The following RTL4 variants were observed in gnomAD, a reference collection of about 807,000 sequenced individuals.
RTL4 encodes the protein retrotransposon Gag like 4, also known as retrotransposon Gag-like protein 4.
In RTL4, 4 loss-of-function variants were observed where a neutral mutation model predicts 5.3. The ratio of observed to expected loss-of-function variants is 0.75; its 90% confidence interval spans 0.37 to 1.72. The LOEUF (loss-of-function observed/expected upper bound fraction) is 1.72, where lower values mean the gene tolerates loss of function less well. RTL4 is among the 40% of genes most tolerant of loss of function. The pLI is 0.04. For missense variants in RTL4, 260 were observed against 227.1 expected, an observed-to-expected ratio of 1.14 and a Z score of -0.93; for synonymous variants, 98 against 87.3, an observed-to-expected ratio of 1.12 and a Z score of -0.68.
chrX:112,410,060 T>TA, the RTL4 span, among the ~76,000 whole-genome samples: 2 of 111,182 alleles, frequency 1.8e-5, no homozygotes, highest in Admixed American at 9.5e-5. Context: ...AATAGAAATT[T>TA]AAAAAATCGG....
chrX:112,295,743 C>T, the RTL4 span, among the ~76,000 whole-genome samples: 2 of 112,512 alleles, frequency 1.8e-5, no homozygotes, highest in Admixed American at 1.9e-4. Flanking sequence ...CCATTCCTGC[C>T]TTCATCATCT....
At chrX:112,281,182 T>G in the RTL4 span, among the ~76,000 whole-genome samples, 10 of 112,167 alleles carry the variant, frequency 8.9e-5, no homozygotes, top group African/African-American at 3.2e-4. Flanking sequence ...CAACATTCTA[T>G]CTGTACTTTT....
chrX:112,150,349 G>C, the RTL4 span, among the ~76,000 whole-genome samples: 1 of 111,785 alleles, frequency 8.9e-6, no homozygotes, highest in Non-Finnish European at 1.9e-5. Context: ...ACACGGCAGA[G>C]ACCTAGGAAG....
the RTL4 span, among the ~76,000 whole-genome samples, chrX:112,132,451 A>C: frequency 1.5e-4 from 17 of 111,600 alleles, no homozygotes; most frequent in African/African-American, 5.5e-4. Flanking sequence ...AGCATGTCCT[A>C]ATTTTCTGGA....
the RTL4 span, among the ~76,000 whole-genome samples, chrX:112,313,759 A>G: frequency 9.1e-6 from 1 of 110,246 alleles, no homozygotes; most frequent in African/African-American, 3.3e-5. Flanking sequence ...TGCTCTGACA[A>G]GGACAGAGGA....
At chrX:112,455,571 C>T in exon 1 of RTL4, 2 of 1,211,887 alleles carry the variant, frequency 1.7e-6, no homozygotes, top group South Asian at 3.5e-5. Context: ...AGTTGTGCCT[C>T]TACTGCAGCC....
At chrX:112,246,694 C>T in the RTL4 span, among the ~76,000 whole-genome samples, 1 of 111,637 alleles carries the variant, frequency 9.0e-6, no homozygotes, top group South Asian at 3.8e-4. Context: ...CGATGCCCCA[C>T]CCTGCTTCAG....
chrX:112,235,754 C>T, the RTL4 span, among the ~76,000 whole-genome samples: 1 of 111,859 alleles, frequency 8.9e-6, no homozygotes, highest in South Asian at 3.7e-4. Context: ...AACAGACTGG[C>T]TTCATTGGTA....
At chrX:112,257,280 A>C in the RTL4 span, among the ~76,000 whole-genome samples, 2 of 111,438 alleles carry the variant, frequency 1.8e-5, no homozygotes, top group African/African-American at 6.5e-5. Flanking sequence ...TTTTTCTTGA[A>C]TGCTAAACCA....
At chrX:112,398,529 A>G in the RTL4 span, among the ~76,000 whole-genome samples, 3 of 105,888 alleles carry the variant, frequency 2.8e-5, no homozygotes, top group African/African-American at 1.0e-4. Context: ...CCTCCCAAGT[A>G]GCTGGGACCA....
At chrX:112,090,091 T>C in the RTL4 span, among the ~76,000 whole-genome samples, 1 of 111,015 alleles carries the variant, frequency 9.0e-6, no homozygotes, top group Non-Finnish European at 1.9e-5. Flanking sequence ...CTCTGCAACT[T>C]TGCCAAATTT....
At chrX:112,278,828 CA>C in the RTL4 span, among the ~76,000 whole-genome samples, 76 of 107,373 alleles carry the variant, frequency 7.1e-4, no homozygotes, top group South Asian at 1.2e-3. Flanking sequence ...TTCCTCCTCC[CA>C]AAAAAAAAGA....
At chrX:112,266,999 T>C in the RTL4 span, among the ~76,000 whole-genome samples, 6 of 111,919 alleles carry the variant, frequency 5.4e-5, no homozygotes, top group Admixed American at 5.7e-4. Context: ...TCTAGGTTAC[T>C]CAAAGATATT....
chrX:112,332,078 C>T, the RTL4 span, among the ~76,000 whole-genome samples: 6 of 109,156 alleles, frequency 5.5e-5, no homozygotes, highest in Admixed American at 9.8e-5. Context: ...TTAGTGGGTG[C>T]AGCACACCAG....
At chrX:112,250,235 T>C in the RTL4 span, among the ~76,000 whole-genome samples, 3 of 108,181 alleles carry the variant, frequency 2.8e-5, no homozygotes, top group Admixed American at 9.9e-5. Context: ...GCCGAGATCG[T>C]GCCACTGCAC....
At chrX:112,341,644 T>C in the RTL4 span, among the ~76,000 whole-genome samples, 1 of 112,033 alleles carries the variant, frequency 8.9e-6, no homozygotes, top group Non-Finnish European at 1.9e-5. Flanking sequence ...TGGAAGAAGT[T>C]ATTAACATAA....
the RTL4 span, among the ~76,000 whole-genome samples, chrX:112,352,645 T>A: frequency 9.0e-6 from 1 of 111,523 alleles, no homozygotes; most frequent in African/African-American, 3.3e-5. Flanking sequence ...AAGCTGAAAC[T>A]GGATCCCTTC....
At chrX:112,409,487 C>T in the RTL4 span, among the ~76,000 whole-genome samples, 9 of 110,525 alleles carry the variant, frequency 8.1e-5, no homozygotes, top group Non-Finnish European at 1.1e-4. Context: ...TTTGGGAGGC[C>T]GAGGTGGGTG....
At chrX:112,173,889 G>A in the RTL4 span, among the ~76,000 whole-genome samples, 1 of 110,392 alleles carries the variant, frequency 9.1e-6, no homozygotes, top group East Asian at 2.9e-4. Flanking sequence ...AATCCCACAG[G>A]GCAGTAGATA....
Sources: gnomAD v4.1 joint callset for allele counts (sites outside exome capture counted in the v4.1 genomes callset) on GRCh38, gnomAD v4.1.1 for gene constraint, MANE v1.5 for transcripts, NCBI Gene and HGNC (gene_info 2026-07-23, HGNC 2026-07-21) for gene names.